LRMDA: variants seen among roughly 807,000 people sequenced by gnomAD.
The protein encoded by LRMDA is leucine-rich melanocyte differentiation-associated protein.
In LRMDA, 18 loss-of-function variants were observed where a neutral mutation model predicts 29.8. The observed-to-expected ratio is 0.60, with a 90% CI of 0.42 to 0.90. LRMDA has a LOEUF of 0.90. Among genes scored for constraint, LRMDA ranks in the 40% least tolerant of loss-of-function variants. The pLI is 0.00. For synonymous variants in LRMDA, 125 were observed against 109.4 expected (o/e 1.14, Z -0.89); for missense variants, 273 against 273.9 (o/e 1.00, Z 0.02).
rs1226126649 is a variant in LRMDA at position 76,497,201 on chromosome 10, C to T, written c.602-60008C>T. Among the ~76,000 whole-genome samples, 3 of 74,212 alleles carry T rather than the reference C, an allele frequency of 4.0e-5. 1 individual carries two copies. The highest frequency in any genetic ancestry group is 9.8e-5 in the African/African-American group (3 of 30,532). 48.7% of individuals were successfully genotyped at this position (74,212 alleles called of 152,430 possible). ...TTCCATGGCTTTCATCTTTTTTTTC[C>T]CCTCTTTTAAAAGATATTTCAAACT... On this transcript the variant is annotated intron_variant, in intron 6 of 6. Transcript: ENST00000611255.
chr10:76,139,899 G>C (rs181657019), intron 5 of LRMDA, among the ~76,000 whole-genome samples: 88 of 152,212 alleles, frequency 5.8e-4, no homozygotes, highest in Admixed American at 3.3e-3. Context: ...AAATCTCTCT[G>C]TGGAGCATGT....
intron 2 of LRMDA, among the ~76,000 whole-genome samples, chr10:75,920,863 G>T (rs1846014703): frequency 6.6e-6 from 1 of 152,150 alleles, no homozygotes; most frequent in South Asian, 2.1e-4. Context: ...GCAGTTGCAG[G>T]CATGATTCCA....
intron 2 of LRMDA, among the ~76,000 whole-genome samples, chr10:75,593,927 C>T (rs1182535058): frequency 6.6e-6 from 1 of 152,208 alleles, no homozygotes; most frequent in East Asian, 1.9e-4. Context: ...CTGCTGCTGC[C>T]GCGGGATGAT....
At chr10:75,879,346 T>G (rs986822428) in intron 2 of LRMDA, among the ~76,000 whole-genome samples, 2 of 152,160 alleles carry the variant, frequency 1.3e-5, no homozygotes, top group African/African-American at 4.8e-5. Flanking sequence ...TTAGAAACTC[T>G]CTCTTCCCAC....
At chr10:75,988,851 G>A (rs988418299) in intron 2 of LRMDA, among the ~76,000 whole-genome samples, 16 of 152,106 alleles carry the variant, frequency 1.1e-4, no homozygotes, top group East Asian at 1.9e-4. Flanking sequence ...GCAGCTCCTC[G>A]GACCTATTGG....
intron 5 of LRMDA, among the ~76,000 whole-genome samples, chr10:76,061,960 C>T (rs1848707551): frequency 6.6e-6 from 1 of 152,116 alleles, no homozygotes; most frequent in Non-Finnish European, 1.5e-5. Flanking sequence ...ATTAAAAAGG[C>T]TGGTTCTCAC....
intron 2 of LRMDA, among the ~76,000 whole-genome samples, chr10:75,500,745 G>C (rs1313454827): frequency 1.3e-5 from 2 of 152,108 alleles, no homozygotes; most frequent in Non-Finnish European, 2.9e-5. Context: ...GAAGGGGGAA[G>C]AGCCCTATAT....
At chr10:76,001,460 A>G (rs1440034277) in intron 2 of LRMDA, among the ~76,000 whole-genome samples, 1 of 152,200 alleles carries the variant, frequency 6.6e-6, no homozygotes, top group African/African-American at 2.4e-5. Flanking sequence ...TTGGGGATGG[A>G]TTTTAAAAAT....
intron 4 of LRMDA, among the ~76,000 whole-genome samples, chr10:76,054,019 T>C (rs542868741): frequency 6.6e-6 from 1 of 152,350 alleles, no homozygotes; most frequent in South Asian, 2.1e-4. Flanking sequence ...AGAACCACTG[T>C]GCAAGAATAG....
chr10:75,726,623 A>G (rs1295052947), intron 2 of LRMDA, among the ~76,000 whole-genome samples: 3 of 152,222 alleles, frequency 2.0e-5, no homozygotes, highest in African/African-American at 7.2e-5. Flanking sequence ...TGTAGAGGAA[A>G]AATACAGTGG....
At chr10:75,513,539 T>C (rs1845252473) in intron 2 of LRMDA, among the ~76,000 whole-genome samples, 1 of 152,158 alleles carries the variant, frequency 6.6e-6, no homozygotes, top group Admixed American at 6.5e-5. Context: ...CAATGCACAA[T>C]GTATTCCCTC....
At chr10:75,521,591 C>T (rs1022196198) in intron 2 of LRMDA, among the ~76,000 whole-genome samples, 2 of 152,080 alleles carry the variant, frequency 1.3e-5, no homozygotes, top group African/African-American at 4.8e-5. Context: ...TGGGAGTGTC[C>T]CGTTTTTCCC....
At chr10:76,165,575 A>G (rs1850724933) in intron 5 of LRMDA, among the ~76,000 whole-genome samples, 1 of 152,222 alleles carries the variant, frequency 6.6e-6, no homozygotes, top group East Asian at 1.9e-4. Flanking sequence ...CCCAGCCAAG[A>G]AAAGAGGTTT....
At chr10:76,316,332 C>T (rs1041714045) in intron 5 of LRMDA, among the ~76,000 whole-genome samples, 2 of 152,206 alleles carry the variant, frequency 1.3e-5, no homozygotes, top group Admixed American at 6.5e-5. Context: ...TTGGAGCCAG[C>T]GCCTATACTG....
chr10:75,699,412 G>A (rs1013127596), intron 2 of LRMDA, among the ~76,000 whole-genome samples: 3 of 152,142 alleles, frequency 2.0e-5, no homozygotes, highest in Non-Finnish European at 2.9e-5. Context: ...ATCTAGGTGT[G>A]TTATCTATAA....
At chr10:76,255,052 G>A (rs1416963638) in intron 5 of LRMDA, among the ~76,000 whole-genome samples, 1 of 152,126 alleles carries the variant, frequency 6.6e-6, no homozygotes, top group East Asian at 1.9e-4. Flanking sequence ...TCTGCTCATA[G>A]CCAGCAACAT....
At chr10:76,225,081 A>C (rs1380027298) in intron 5 of LRMDA, among the ~76,000 whole-genome samples, 1 of 152,012 alleles carries the variant, frequency 6.6e-6, no homozygotes, top group Non-Finnish European at 1.5e-5. Flanking sequence ...TATGGTTTGG[A>C]AATATTTGAC....
chr10:76,118,840 CTTTTTTT>C (rs962279433), intron 5 of LRMDA, among the ~76,000 whole-genome samples: 6 of 45,974 alleles, frequency 1.3e-4, no homozygotes, highest in Admixed American at 2.8e-4. Context: ...TGCAAATACA[CTTTTTTT>C]TTTTTTTTTT....
chr10:75,548,747 A>G (rs774408277), intron 2 of LRMDA, among the ~76,000 whole-genome samples: 7 of 152,158 alleles, frequency 4.6e-5, no homozygotes, highest in Non-Finnish European at 7.4e-5. Context: ...GCCTATAAAA[A>G]AGATCTAAGT....
Sources: gnomAD v4.1 joint callset for allele counts (sites outside exome capture counted in the v4.1 genomes callset) on GRCh38, gnomAD v4.1.1 for gene constraint, MANE v1.5 for transcripts, NCBI Gene and HGNC (gene_info 2026-07-23, HGNC 2026-07-21) for gene names.